The following ZDHHC20 variants were observed in gnomAD, a reference collection of about 807,000 sequenced individuals.
ZDHHC20 encodes zDHHC palmitoyltransferase 20.
ZDHHC20 carries 43 observed loss-of-function variants against 57.8 expected under a neutral mutation model. The observed-to-expected ratio is 0.74, with a 90% CI of 0.58 to 0.96. The LOEUF is 0.96. Ranked by LOEUF, ZDHHC20 falls within the 40% of genes least tolerant of loss-of-function variation. The probability of loss-of-function intolerance (pLI) is 0.00; values close to 1 mark genes in which losing one functional copy is unlikely to be tolerated. For missense variants in ZDHHC20, 391 were observed against 441.1 expected (o/e 0.89, Z 1.02); for synonymous variants, 157 against 153.0 (o/e 1.03, Z -0.19).
chr13:21,448,051 A>C (rs1305362785), intron 1 of ZDHHC20, among the ~76,000 whole-genome samples: 8 of 82,944 alleles, frequency 9.6e-5, no homozygotes, highest in South Asian at 4.2e-4. Context: ...CCTGGCAACC[A>C]CCCCGTCTGA....
chr13:21,438,488 G>C (rs1043555735), intron 1 of ZDHHC20, among the ~76,000 whole-genome samples: 1 of 152,194 alleles, frequency 6.6e-6, no homozygotes, highest in Non-Finnish European at 1.5e-5. Flanking sequence ...AAGAAACAGA[G>C]CCTGAAGATG....
chr13:21,378,284 T>A (rs778871896), intron 12 of ZDHHC20, among the ~76,000 whole-genome samples: 1 of 152,138 alleles, frequency 6.6e-6, no homozygotes, highest in Non-Finnish European at 1.5e-5. Flanking sequence ...GGTCTCTCAC[T>A]CCTGGACTTA....
chr13:21,396,173 C>T lies in ZDHHC20; in HGVS notation c.594+4200G>A, dbSNP rs1170020935. The stretch of plus-strand genomic sequence containing the variant: ...CTGGTTCCCACGTGGTGCTTCCTAT[C>T]CTGGGGCCCCTTCCTCTTGGCGCTG... On this transcript the variant is annotated intron_variant, in intron 7 of 12. Coordinates refer to ENST00000400590, the MANE Select transcript of ZDHHC20 (RefSeq NM_001330059.2). Among the ~76,000 whole-genome samples the T allele has an allele frequency of 3.9e-5, 6 of 152,276 alleles. No individual in the cohort carries two copies. In the East Asian group the frequency reaches 1.2e-3, roughly 29 times the overall value.
At chr13:21,391,584 T>G in intron 8 of ZDHHC20, 138 bp downstream of exon 8, 1 of 567,450 alleles carries the variant, frequency 1.8e-6, no homozygotes. Context: ...GTAGCTGGGA[T>G]TATTAGGCAC....
intron 4 of ZDHHC20, among the ~76,000 whole-genome samples, chr13:21,411,906 T>C (rs1879266244): frequency 6.6e-6 from 1 of 152,210 alleles, no homozygotes; most frequent in South Asian, 2.1e-4. Context: ...TTTTAAATGA[T>C]GAATCCAGTA....
chr13:21,442,987 C>T (rs1007171185), intron 1 of ZDHHC20, among the ~76,000 whole-genome samples: 1 of 152,118 alleles, frequency 6.6e-6, no homozygotes, highest in East Asian at 1.9e-4. Flanking sequence ...CAGCAAGAAA[C>T]CCTCTGGGGC....
intron 1 of ZDHHC20, among the ~76,000 whole-genome samples, chr13:21,448,067 G>A (rs1379126626): frequency 1.5e-5 from 2 of 134,858 alleles, no homozygotes; most frequent in African/African-American, 2.7e-5. Flanking sequence ...TCTGAAAAGT[G>A]AGGAGCCCCT....
At chr13:21,438,539 C>T (rs955215955) in intron 1 of ZDHHC20, among the ~76,000 whole-genome samples, 1 of 152,126 alleles carries the variant, frequency 6.6e-6, no homozygotes, top group African/African-American at 2.4e-5. Context: ...CTTGAACAGA[C>T]GAGGAGTTGC....
intron 1 of ZDHHC20, among the ~76,000 whole-genome samples, chr13:21,439,512 C>T (rs1213371352): frequency 6.6e-6 from 1 of 151,848 alleles, no homozygotes; most frequent in African/African-American, 2.4e-5. Context: ...CAGAGTGATA[C>T]CCTGTCTCAA....
intron 1 of ZDHHC20, among the ~76,000 whole-genome samples, chr13:21,431,983 CT>C (rs2137959635): frequency 6.6e-6 from 1 of 152,064 alleles, no homozygotes; most frequent in Admixed American, 6.5e-5. Context: ...CAATTTTTTT[CT>C]TTTATCATTC....
intron 4 of ZDHHC20, among the ~76,000 whole-genome samples, chr13:21,409,059 C>T (rs1566085614): frequency 6.6e-6 from 1 of 152,092 alleles, no homozygotes; most frequent in Non-Finnish European, 1.5e-5. Flanking sequence ...GGATATTGGC[C>T]TGAAATTTTC....
chr13:21,452,000 A>C (rs1437722619), intron 1 of ZDHHC20, among the ~76,000 whole-genome samples: 4 of 152,140 alleles, frequency 2.6e-5, no homozygotes, highest in African/African-American at 7.2e-5. Context: ...ATCTCCAAAA[A>C]AAAAACAAAA....
At chr13:21,411,879 TCCCC>T (rs1879263584) in intron 4 of ZDHHC20, among the ~76,000 whole-genome samples, 1 of 152,164 alleles carries the variant, frequency 6.6e-6, no homozygotes, top group Non-Finnish European at 1.5e-5. Context: ...TTTTGGCCCC[TCCCC>T]CAAGATATTA....
chr13:21,445,154 C>T (rs540992755), intron 1 of ZDHHC20, among the ~76,000 whole-genome samples: 1 of 151,448 alleles, frequency 6.6e-6, no homozygotes, highest in African/African-American at 2.4e-5. Context: ...CATTACATGC[C>T]CCAAACACAA....
chr13:21,431,371 T>C (rs1332654788), intron 1 of ZDHHC20, among the ~76,000 whole-genome samples: 1 of 152,188 alleles, frequency 6.6e-6, no homozygotes, highest in African/African-American at 2.4e-5. Context: ...ACCCCCATGA[T>C]TCAAATTATA....
At chr13:21,377,484 ACT>A (rs369827707) in intron 12 of ZDHHC20, among the ~76,000 whole-genome samples, 5 of 70,688 alleles carry the variant, frequency 7.1e-5, no homozygotes, top group African/African-American at 6.5e-5. Flanking sequence ...CTGCGATCTG[ACT>A]CTGCCCGACG....
chr13:21,401,788 C>T, intron 5 of ZDHHC20, 103 bp from the exon 6 acceptor site: 2 of 1,039,092 alleles, frequency 1.9e-6, no homozygotes, highest in Non-Finnish European at 2.7e-6. Context: ...TTTACAACTA[C>T]ATCTTAAGAG....
intron 7 of ZDHHC20, among the ~76,000 whole-genome samples, chr13:21,397,256 G>C (rs867615698): frequency 4.6e-5 from 7 of 151,888 alleles, no homozygotes; most frequent in Middle Eastern, 3.2e-3. Context: ...AACCCAGGAA[G>C]TGGAGGTTGC....
chr13:21,376,665 AAG>A lies in ZDHHC20; in HGVS notation c.*41-12_*41-11del. 7.1e-7 allele frequency: 1 copy of A among 1,411,074 alleles called. No individual in the cohort carries two copies. The highest frequency in any genetic ancestry group is 9.5e-7 in the Non-Finnish European group (1 of 1,047,888). 87.4% of individuals were successfully genotyped at this position (1,411,074 alleles called of 1,614,324 possible). A position where few individuals can be genotyped will look rare whatever the true frequency, so the allele number is the denominator to read the frequency against. ...TAATGTTTTCATACACCTACAAAAA[AAG>A]AAACAAATTATTGGTTAAAACTTGA... On this transcript the variant is annotated splice_polypyrimidine_tract_variant and intron_variant, in intron 12 of 12. Transcript: ENST00000400590.
Sources: allele counts gnomAD v4.1 joint callset (sites outside exome capture counted in the v4.1 genomes callset), GRCh38; gene constraint gnomAD v4.1.1; transcripts MANE v1.5; gene names NCBI Gene and HGNC (gene_info 2026-07-23, HGNC 2026-07-21).